The following UNC45A variants were observed in gnomAD, a reference collection of about 807,000 sequenced individuals.
The protein encoded by UNC45A is protein unc-45 homolog A.
UNC45A carries 78 observed loss-of-function variants against 103.2 expected under a neutral mutation model. That is an observed-to-expected ratio of 0.76 (90% confidence interval 0.63 to 0.91). The LOEUF is 0.91. Among genes scored for constraint, UNC45A ranks in the 40% least tolerant of loss-of-function variants. The pLI is 0.00. For missense variants in UNC45A, 1,193 were observed against 1,224.8 expected (o/e 0.97, Z 0.39); for synonymous variants, 495 against 504.6 (o/e 0.98, Z 0.25).
chr15:90,936,426 C>G lies in UNC45A; in HGVS notation c.392C>G (p.Ala131Gly). 1 of 1,614,182 alleles carries G rather than the reference C, an allele frequency of 6.2e-7. No homozygotes were observed. The highest frequency in any genetic ancestry group is 1.1e-5 in the South Asian group (1 of 91,084). ...LEPKNKVFQE[A>G]LRNIGGQIQE... ...CCCAAGAACAAAGTTTTCCAGGAGG[C>G]CTTGCGGAACATCGGGGGCCAGATT... Residue 131 changes from alanine to glycine, a missense_variant, in exon 4 of 20, where the codon GCC (alanine) becomes GGC (glycine). Physicochemically the swap from Ala to Gly is moderately conservative, Grantham distance 60. Coordinates refer to ENST00000418476, the MANE Select transcript of UNC45A (RefSeq NM_018671.5).
intron 15 of UNC45A, 167 bp from the exon 16 acceptor site, chr15:90,949,987 C>A (rs923533954): frequency 2.9e-6 from 2 of 698,004 alleles, no homozygotes; most frequent in Non-Finnish European, 4.8e-6. Flanking sequence ...CCATGTCCAG[C>A]CCTTATTAGG....
intron 18 of UNC45A, 35 bp downstream of exon 18, chr15:90,953,081 G>A (rs916458328): frequency 3.8e-5 from 62 of 1,613,368 alleles, no homozygotes; most frequent in Non-Finnish European, 5.2e-5. Context: ...GACAGGCGGG[G>A]ATGCAGAGGT....
upstream of UNC45A, chr15:90,935,256 G>T: frequency 1.4e-6 from 2 of 1,463,396 alleles, no homozygotes; most frequent in Non-Finnish European, 1.9e-6. Context: ...GCTGCCGGTG[G>T]CGTCCCGAAC....
Position 90,946,861 on chromosome 15 carries a change from A to C in UNC45A, c.1447A>C (p.Lys483Gln). 2 of 1,614,006 alleles carry C rather than the reference A, an allele frequency of 1.2e-6. No homozygotes were observed. Among genetic ancestry groups the C allele is most frequent in the Non-Finnish European group, 1.7e-6 (2 of 1,179,892 alleles). The change falls in exon 10 of 20, where the codon AAG (lysine) becomes CAG (glutamine). Residue 483 changes from lysine to glutamine, a missense_variant. Transcript: ENST00000418476. ...CACTGCCAATGGTGTCTCGCTGCTGAAGGACCTATATAAGTGCAGCGAGAA... is the reference window on the plus strand; with the variant it reads ...CACTGCCAATGGTGTCTCGCTGCTGCAGGACCTATATAAGTGCAGCGAGAA... ...FITANGVSLL[K>Q]DLYKCSEKDS...
rs777246796 is a variant in UNC45A at position 90,947,908 on chromosome 15, G to T, written c.1595+18G>T. 2.5e-6 allele frequency: 4 copies of T among 1,609,346 alleles called. No individual in the cohort carries two copies. The highest frequency in any genetic ancestry group is 3.4e-6 in the Non-Finnish European group (4 of 1,177,220). On this transcript the variant is annotated intron_variant, in intron 11 of 19. Coordinates refer to ENST00000418476, the MANE Select transcript of UNC45A (RefSeq NM_018671.5). ...TGTCGAAAGTGAGTCATCTGGCCTT[G>T]CTGTGGTTCCCCACCTGTGGGGTAG...
intron 8 of UNC45A, among the ~76,000 whole-genome samples, chr15:90,944,110 G>T (rs931047866): frequency 6.7e-6 from 1 of 150,334 alleles, no homozygotes; most frequent in Non-Finnish European, 1.5e-5. Context: ...ATAAGAGCTG[G>T]GCGTGGTGCC....
chr15:90,940,649 A>C, intron 6 of UNC45A, 176 bp downstream of exon 6: 1 of 719,696 alleles, frequency 1.4e-6, no homozygotes, highest in Non-Finnish European at 2.0e-6. Context: ...ATGGTGCCTC[A>C]CACCTGTAAT....
rs1001298777 is a variant in UNC45A at position 90,936,165 on chromosome 15, A to T, written c.251-120A>T. 5 of 1,513,818 alleles carry T rather than the reference A, an allele frequency of 3.3e-6. No homozygotes were observed. The African/African-American group carries it at 5.6e-5, about 17-fold the overall frequency. The allele number at this position is 1,513,818 out of a possible 1,614,324, so 93.8% of individuals were successfully genotyped here. A position where few individuals can be genotyped will look rare whatever the true frequency, so the allele number is the denominator to read the frequency against. On this transcript the variant is annotated intron_variant, in intron 3 of 19. Coordinates refer to ENST00000418476, the MANE Select transcript of UNC45A (RefSeq NM_018671.5). Reference sequence around the variant, plus strand: ...CCCTCACCTTTTCTGAGGCTGAAGCACCGAGCCCCACATTCGTCCCCCCCA... The same window carrying T: ...CCCTCACCTTTTCTGAGGCTGAAGCTCCGAGCCCCACATTCGTCCCCCCCA...
At chr15:90,950,461 T>A (rs549511956) in intron 16 of UNC45A, 39 bp from the exon 17 acceptor site, 2 of 1,603,246 alleles carry the variant, frequency 1.2e-6, no homozygotes, top group Admixed American at 3.4e-5. Context: ...TTGTGGGGGC[T>A]GCGGCAAGTA....
In UNC45A at chr15:90,935,369, C is replaced by T; in HGVS notation, c.45C>T (p.Thr15=). 6.3e-7 allele frequency: 1 copy of T among 1,598,958 alleles called. No homozygotes were observed. Among genetic ancestry groups the T allele is most frequent in the Non-Finnish European group, 8.5e-7 (1 of 1,173,348 alleles). Residue 15 remains threonine (T), a synonymous_variant, in exon 1 of 20, where the codon ACC becomes ACT. Coordinates refer to ENST00000418476, the MANE Select transcript of UNC45A (RefSeq NM_018671.5). ...GPGTPEPRPA[T]PGASSVEQLR... ...GGACCCCCGAGCCCCGGCCGGCCAC[C>T]CCCGGGGTGCGTACCCAACCCCCGC...
At position 90,951,895 on chromosome 15, in the gene UNC45A, C is replaced by G. The variant is rs536978354; in HGVS notation, c.2304-1034C>G. Among the ~76,000 whole-genome samples the G allele has an allele frequency of 7.9e-5, 12 of 152,240 alleles. No individual in the cohort carries two copies. In the South Asian group the frequency reaches 2.5e-3, roughly 32 times the overall value. ...TGTGATCATGCCACTTTACTCCAGC[C>G]TAGGTGACAGAGTGAGATCCTGCCT... is the stretch of plus-strand genomic sequence containing the variant. On this transcript the variant is annotated intron_variant, in intron 17 of 19. Coordinates refer to ENST00000418476, the MANE Select transcript of UNC45A (RefSeq NM_018671.5).
chr15:90,950,521 C>T lies in UNC45A; in HGVS notation c.2209C>T (p.Leu737Phe). The T allele has an allele frequency of 1.2e-6, 2 of 1,614,116 alleles. No homozygotes were observed. Among genetic ancestry groups the T allele is most frequent in the Non-Finnish European group, 1.7e-6 (2 of 1,180,026 alleles). ...GCAGATCTATGAGGTGGTCCGGCCC[C>T]TCGTCTCCCTGTTGCACCTCAACTG... is the stretch of plus-strand genomic sequence containing the variant. The part of the protein sequence containing the change: ...GERIYEVVRP[L>F]VSLLHLNCSG... The change falls in exon 17 of 20, where the codon CTC becomes TTC. Residue 737 changes from leucine (L) to phenylalanine (F), a missense_variant. Coordinates refer to ENST00000418476, the MANE Select transcript of UNC45A (RefSeq NM_018671.5).
intron 10 of UNC45A, 33 bp from the exon 11 acceptor site, chr15:90,947,763 C>T: frequency 6.4e-7 from 1 of 1,556,774 alleles, no homozygotes; most frequent in Non-Finnish European, 8.9e-7. Context: ...CCTCCTTCCC[C>T]AGAGGCCAAC....
chr15:90,953,028 C>T lies in UNC45A; in HGVS notation c.2403C>T (p.Asn801=), dbSNP rs2037007113. The part of the protein sequence containing the change: ...IRRAATECMC[N]LAMSKEVQDL... ...GGGCAGCCACGGAGTGCATGTGTAA[C>T]TTGGCCATGAGCAAGGAGGTGAGGG... is the stretch of plus-strand genomic sequence containing the variant. The change falls in exon 18 of 20, where the codon AAC becomes AAT. Residue 801 remains asparagine (N), a synonymous_variant. Transcript: ENST00000418476. 5 of 1,613,628 alleles carry T rather than the reference C, an allele frequency of 3.1e-6. No individual in the cohort carries two copies. Among genetic ancestry groups the T allele is most frequent in the Non-Finnish European group, 4.2e-6 (5 of 1,180,032 alleles).
In UNC45A at chr15:90,949,374, C is replaced by T. The variant is rs766048678; in HGVS notation, c.1937C>T (p.Ser646Leu). 9.3e-6 allele frequency: 15 copies of T among 1,613,546 alleles called. No homozygotes were observed. Among genetic ancestry groups the T allele is most frequent in the South Asian group, 3.3e-5 (3 of 91,070 alleles). Reference sequence around the variant, plus strand: ...AAGCTGCTGGCAGCGGGTGTGGTGTCGGCCATGGTGTGCATGGTGAAGACG... The same window carrying T: ...AAGCTGCTGGCAGCGGGTGTGGTGTTGGCCATGGTGTGCATGGTGAAGACG... ...VKKLLAAGVVSAMVCMVKTES... is the reference protein window; with the variant it reads ...VKKLLAAGVVLAMVCMVKTES... The change falls in exon 14 of 20, where the codon TCG becomes TTG. Residue 646 changes from serine to leucine, a missense_variant. By Grantham distance (145) the Ser-to-Leu change is moderately radical. Coordinates refer to ENST00000418476, the MANE Select transcript of UNC45A (RefSeq NM_018671.5).
At chr15:90,931,364 CT>C (rs1413512382), upstream of UNC45A, 43 of 1,555,110 alleles carry the variant, frequency 2.8e-5, no homozygotes, top group Non-Finnish European at 3.7e-5. Flanking sequence ...ACCACCTGCG[CT>C]GCCCACTCGA....
At chr15:90,950,477 G>C in intron 16 of UNC45A, 23 bp from the exon 17 acceptor site, 1 of 1,610,086 alleles carries the variant, frequency 6.2e-7, no homozygotes, top group Non-Finnish European at 8.5e-7. Flanking sequence ...AAGTACCCCT[G>C]ACAGGTGGGG....
chr15:90,933,225 T>C (rs2269902), upstream of UNC45A: 18,153 of 152,310 alleles, frequency 0.12, 1,651 homozygotes, highest in East Asian at 0.41. Flanking sequence ...ATTTGCCTTG[T>C]CTTCTTATGC....
intron 6 of UNC45A, 85 bp downstream of exon 6, chr15:90,940,558 C>T (rs186001544): frequency 2.7e-4 from 411 of 1,497,890 alleles, no homozygotes; most frequent in Middle Eastern, 7.2e-4. Flanking sequence ...TCTGTCCATC[C>T]GCCCATCTGC....
Sources: allele counts gnomAD v4.1 joint callset (sites outside exome capture counted in the v4.1 genomes callset), GRCh38; gene constraint gnomAD v4.1.1; transcripts MANE v1.5; gene names NCBI Gene and HGNC (gene_info 2026-07-23, HGNC 2026-07-21).